The following VPS26B variants were observed in gnomAD, a reference collection of about 807,000 sequenced individuals.
VPS26B encodes the protein vacuolar protein sorting-associated protein 26B.
In VPS26B, 10 loss-of-function variants were observed where a neutral mutation model predicts 33.3. The ratio of observed to expected loss-of-function variants is 0.30; its 90% CI spans 0.19 to 0.51. VPS26B has a LOEUF of 0.51. VPS26B is among the 20% of genes least tolerant of loss of function. The pLI, the probability that VPS26B is intolerant of heterozygous loss-of-function variation, is 0.98. For synonymous variants in VPS26B, 190 were observed against 176.9 expected (o/e 1.07, Z -0.59); for missense variants, 317 against 452.7 (o/e 0.70, Z 2.72).
intron 1 of VPS26B, among the ~76,000 whole-genome samples, chr11:134,230,963 C>T (rs1344378737): frequency 6.6e-6 from 1 of 152,172 alleles, no homozygotes; most frequent in Non-Finnish European, 1.5e-5. Context: ...AGGTCTAAGA[C>T]CTAGTCATCC....
chr11:134,231,837 A>G (rs1938559893), intron 1 of VPS26B, among the ~76,000 whole-genome samples: 1 of 152,222 alleles, frequency 6.6e-6, no homozygotes, highest in Non-Finnish European at 1.5e-5. Flanking sequence ...TGCTGGGATT[A>G]CAGGCATGAA....
intron 1 of VPS26B, among the ~76,000 whole-genome samples, chr11:134,233,252 C>T (rs915663530): frequency 2.0e-5 from 3 of 152,312 alleles, no homozygotes; most frequent in Middle Eastern, 3.4e-3. Context: ...TCTGTGGACT[C>T]GCCTCTTCCT....
chr11:134,240,167 A>G lies in VPS26B; in HGVS notation c.545+12A>G, dbSNP rs760195076. On this transcript the variant is annotated intron_variant, in intron 3 of 5. Coordinates refer to ENST00000281187, the MANE Select transcript of VPS26B (RefSeq NM_052875.5). The surrounding 1 kb of genome is among the most constrained non-coding windows in gnomAD (Gnocchi z 4.4). ...TACAATAAATCCAAGTAAGTGTCTC[A>G]GTGCCAAGGTTGTGAAATGATTATT... The G allele has an allele frequency of 1.2e-6, 2 of 1,613,972 alleles. No individual in the cohort carries two copies. Among genetic ancestry groups the G allele is most frequent in the South Asian group, 2.2e-5 (2 of 91,082 alleles).
intron 2 of VPS26B, chr11:134,236,700 A>G (rs978946811): frequency 6.6e-6 from 1 of 152,256 alleles, no homozygotes; most frequent in Non-Finnish European, 1.5e-5. Flanking sequence ...TACGTGAAAG[A>G]AGCCTGTCAC....
At chr11:134,239,746 T>C (rs1046841461) in intron 2 of VPS26B, 1 of 507,750 alleles carries the variant, frequency 2.0e-6, no homozygotes, top group African/African-American at 1.9e-5. Flanking sequence ...GGGCATGGGC[T>C]CCCTAGAGGG....
chr11:134,232,277 G>A (rs1938567194), intron 1 of VPS26B, among the ~76,000 whole-genome samples: 1 of 149,750 alleles, frequency 6.7e-6, no homozygotes, highest in South Asian at 2.1e-4. Flanking sequence ...GACCTCTCGT[G>A]AGAACAGCCT....
Position 134,225,218 on chromosome 11 carries a change from G to A in VPS26B, c.96G>A (p.Gly32=). The A allele has an allele frequency of 6.2e-7, 1 of 1,614,058 alleles. No homozygotes were observed. Among genetic ancestry groups the A allele is most frequent in the Non-Finnish European group, 8.5e-7 (1 of 1,179,974 alleles). The change falls in exon 1 of 6, where the codon GGG becomes GGA. Residue 32 remains glycine (G), a synonymous_variant. Coordinates refer to ENST00000281187, the MANE Select transcript of VPS26B (RefSeq NM_052875.5). ...RKRAEHKTED[G]KKEKYFLFYD... ...GGGCCGAGCACAAGACGGAGGACGG[G>A]AAGAAGGAGAAATATTTCCTCTTCT...
intron 1 of VPS26B, among the ~76,000 whole-genome samples, chr11:134,231,267 A>G (rs1417407964): frequency 2.6e-5 from 4 of 152,040 alleles, no homozygotes; most frequent in African/African-American, 7.2e-5. Flanking sequence ...ATTAATACCA[A>G]TCAAGCCCAT....
At position 134,247,268 on chromosome 11, in the gene VPS26B, C is replaced by T. The variant is rs1261843083; in HGVS notation, c.*1678C>T. 6.6e-6 allele frequency: 1 copy of T among 152,174 alleles called. No individual in the cohort carries two copies. Among genetic ancestry groups the T allele is most frequent in the Non-Finnish European group, 1.5e-5 (1 of 68,026 alleles). 9.4% of individuals were successfully genotyped at this position (152,174 alleles called of 1,614,324 possible). A position where few individuals can be genotyped will look rare whatever the true frequency, so the allele number is the denominator to read the frequency against. Reference sequence around the variant, plus strand: ...CTGCCCTTGATGATCAAGGTTGGGGCTTAAGTGGATAAGGGAGGCAAGTTC... The same window carrying T: ...CTGCCCTTGATGATCAAGGTTGGGGTTTAAGTGGATAAGGGAGGCAAGTTC... On this transcript the variant is annotated 3_prime_UTR_variant, in exon 6 of 6. Transcript: ENST00000281187.
chr11:134,237,801 G>A (rs932146598), intron 2 of VPS26B, among the ~76,000 whole-genome samples: 5 of 152,202 alleles, frequency 3.3e-5, no homozygotes, highest in Admixed American at 2.6e-4. Flanking sequence ...TTTCTGTTGG[G>A]TGGTGGAGAC....
chr11:134,244,941 A>G lies in VPS26B; in HGVS notation c.725A>G (p.Glu242Gly). The G allele has an allele frequency of 6.2e-7, 1 of 1,612,850 alleles. No homozygotes were observed. Among genetic ancestry groups the G allele is most frequent in the Non-Finnish European group, 8.5e-7 (1 of 1,179,970 alleles). ...EIMDGAPVRG[E>G]SIPIRLFLAG... ...GACTCCTGCCCTCCCCCTACAGGAG[A>G]GTCCATCCCGATCCGGCTCTTCCTG... is the stretch of plus-strand genomic sequence containing the variant. The change falls in exon 5 of 6, where the codon GAG (glutamate) becomes GGG (glycine). Residue 242 changes from glutamate (E) to glycine (G), a missense_variant. Physicochemically the swap from Glu to Gly is moderately conservative, Grantham distance 98. Transcript: ENST00000281187. The surrounding 1 kb of genome is among the most constrained non-coding windows in gnomAD (Gnocchi z 4.0).
At chr11:134,238,176 G>A (rs1938661642) in intron 2 of VPS26B, among the ~76,000 whole-genome samples, 1 of 152,148 alleles carries the variant, frequency 6.6e-6, no homozygotes, top group Non-Finnish European at 1.5e-5. Flanking sequence ...ATTCTTAAGG[G>A]CTCTCCTCTC....
chr11:134,243,435 G>T lies in VPS26B; in HGVS notation c.721+141G>T, dbSNP rs188224539. 9 of 1,042,982 alleles carry T rather than the reference G, an allele frequency of 8.6e-6. No individual in the cohort carries two copies. The African/African-American group carries it at 1.3e-4, about 15-fold the overall frequency. The allele number at this position is 1,042,982 out of a possible 1,614,324, so 64.6% of individuals were successfully genotyped here. A position where few individuals can be genotyped will look rare whatever the true frequency, so the allele number is the denominator to read the frequency against. ...ACTTCTTAATCTCTCAGTTTACACCGTGGGTGGCCATAAGGAAGAAAAGGA... is the reference window on the plus strand; with the variant it reads ...ACTTCTTAATCTCTCAGTTTACACCTTGGGTGGCCATAAGGAAGAAAAGGA... On this transcript the variant is annotated intron_variant, in intron 4 of 5. Transcript: ENST00000281187.
In VPS26B at chr11:134,243,259, C is replaced by G; in HGVS notation, c.686C>G (p.Ala229Gly). The change falls in exon 4 of 6, where the codon GCC becomes GGC. Residue 229 changes from alanine (A) to glycine (G), a missense_variant. Physicochemically the swap from Ala to Gly is moderately conservative, Grantham distance 60. Transcript: ENST00000281187. ...GTGTACCATGAGAATGACACGATAGCCAAGTACGAGATCATGGACGGGGCA... is the reference window on the plus strand; with the variant it reads ...GTGTACCATGAGAATGACACGATAGGCAAGTACGAGATCATGGACGGGGCA... ...PNVYHENDTI[A>G]KYEIMDGAPV... is the part of the protein sequence containing the mutation. The G allele has an allele frequency of 6.2e-7, 1 of 1,614,118 alleles. No individual in the cohort carries two copies. Among genetic ancestry groups the G allele is most frequent in the Non-Finnish European group, 8.5e-7 (1 of 1,179,982 alleles).
chr11:134,244,921 C>T lies in VPS26B; in HGVS notation c.722-17C>T, dbSNP rs1938786552. On this transcript the variant is annotated splice_polypyrimidine_tract_variant and intron_variant, in intron 4 of 5. Coordinates refer to ENST00000281187, the MANE Select transcript of VPS26B (RefSeq NM_052875.5). The surrounding 1 kb of genome is among the most constrained non-coding windows in gnomAD (Gnocchi z 4.0). The stretch of plus-strand genomic sequence containing the variant: ...ATCACCTTGCCCCCTGTGCTGACTC[C>T]TGCCCTCCCCCTACAGGAGAGTCCA... 6.2e-7 allele frequency: 1 copy of T among 1,610,050 alleles called. No individual in the cohort carries two copies. Among genetic ancestry groups the T allele is most frequent in the African/African-American group, 1.3e-5 (1 of 74,924 alleles).
Position 134,244,721 on chromosome 11 carries a change from A to G in VPS26B, c.722-217A>G. The stretch of plus-strand genomic sequence containing the variant: ...CACTCAGTTGCTCTCTGTTTTCGAG[A>G]AGACATGAGAAGCTGCAACATGACC... On this transcript the variant is annotated intron_variant, in intron 4 of 5. Coordinates refer to ENST00000281187, the MANE Select transcript of VPS26B (RefSeq NM_052875.5). The surrounding 1 kb of genome is among the most constrained non-coding windows in gnomAD (Gnocchi z 4.0). 1.8e-6 allele frequency: 1 copy of G among 547,990 alleles called. No homozygotes were observed. The highest frequency in any genetic ancestry group is 3.2e-6 in the Non-Finnish European group (1 of 315,974). 33.9% of individuals were successfully genotyped at this position (547,990 alleles called of 1,614,324 possible).
At chr11:134,229,412 C>A (rs1191532247) in intron 1 of VPS26B, among the ~76,000 whole-genome samples, 1 of 152,218 alleles carries the variant, frequency 6.6e-6, no homozygotes, top group African/African-American at 2.4e-5. Context: ...AAGCTGTCTG[C>A]TAGACATGTC....
At position 134,245,667 on chromosome 11, in the gene VPS26B, G is replaced by A. The variant is rs1012399160; in HGVS notation, c.*77G>A. 31 of 1,488,870 alleles carry A rather than the reference G, an allele frequency of 2.1e-5. No individual in the cohort carries two copies. Among genetic ancestry groups the A allele is most frequent in the Admixed American group, 1.1e-4 (5 of 45,484 alleles). The allele number at this position is 1,488,870 out of a possible 1,614,324, so 92.2% of individuals were successfully genotyped here. ...AACACCAGCGGCTGGGGGCGGGGGC[G>A]GACCTTGTGAGGCTCAGTTGACCCG... On this transcript the variant is annotated 3_prime_UTR_variant, in exon 6 of 6. Transcript: ENST00000281187. This position sits in a 1 kb window ranked among gnomAD's most constrained non-coding sequence, Gnocchi z 4.7.
At position 134,245,857 on chromosome 11, in the gene VPS26B, C is replaced by A; in HGVS notation, c.*267C>A. 1 of 445,896 alleles carries A rather than the reference C, an allele frequency of 2.2e-6. No homozygotes were observed. Among genetic ancestry groups the A allele is most frequent in the Admixed American group, 3.5e-5 (1 of 28,520 alleles). 27.6% of individuals were successfully genotyped at this position (445,896 alleles called of 1,614,324 possible). A position where few individuals can be genotyped will look rare whatever the true frequency, so the allele number is the denominator to read the frequency against. ...CAGCCTCTCTGGGGAACATGAGCCC[C>A]CTTCCTCGGGGGGCTGCCTTGCGTC... On this transcript the variant is annotated 3_prime_UTR_variant, in exon 6 of 6. Coordinates refer to ENST00000281187, the MANE Select transcript of VPS26B (RefSeq NM_052875.5). This position sits in a 1 kb window ranked among gnomAD's most constrained non-coding sequence, Gnocchi z 4.7.
Sources: gnomAD v4.1 joint callset for allele counts (sites outside exome capture counted in the v4.1 genomes callset) on GRCh38, gnomAD v4.1.1 for gene constraint, Gnocchi (gnomAD v3.1) non-coding constraint, MANE v1.5 for transcripts, NCBI Gene and HGNC (gene_info 2026-07-23, HGNC 2026-07-21) for gene names.